MFHAS1: variants seen among roughly 807,000 people sequenced by gnomAD.
The protein encoded by MFHAS1 is multifunctional ROCO family signaling regulator 1.
MFHAS1 carries 50 observed loss-of-function variants against 70.4 expected under a neutral mutation model. The ratio of observed to expected loss-of-function variants is 0.71; its 90% CI spans 0.57 to 0.90. MFHAS1 has a LOEUF of 0.90. Ranked by LOEUF, MFHAS1 falls within the 40% of genes least tolerant of loss-of-function variation. The pLI is 0.00. For synonymous variants in MFHAS1, 952 were observed against 620.0 expected (o/e 1.54, Z -7.96); for missense variants, 1,795 against 1,347.6 (o/e 1.33, Z -5.20).
chr8:8,833,437 T>C (rs1807483228), intron 1 of MFHAS1, among the ~76,000 whole-genome samples: 1 of 152,076 alleles, frequency 6.6e-6, no homozygotes, highest in Admixed American at 6.5e-5. Flanking sequence ...AAGACCAGCC[T>C]GGGCAACACA....
intron 1 of MFHAS1, among the ~76,000 whole-genome samples, chr8:8,886,211 G>T (rs1329509671): frequency 6.6e-6 from 1 of 151,498 alleles, no homozygotes; most frequent in Non-Finnish European, 1.5e-5. Flanking sequence ...AAGAGACAGG[G>T]TCAGAGTGCA....
chr8:8,815,423 G>A (rs1806705701), intron 1 of MFHAS1, among the ~76,000 whole-genome samples: 1 of 152,076 alleles, frequency 6.6e-6, no homozygotes, highest in Non-Finnish European at 1.5e-5. Context: ...CTGGTTCTAG[G>A]TCTTTGAGGA....
chr8:8,819,100 C>T (rs1366845006), intron 1 of MFHAS1, among the ~76,000 whole-genome samples: 3 of 136,638 alleles, frequency 2.2e-5, no homozygotes, highest in East Asian at 2.6e-4. Context: ...TGGAATATCA[C>T]GTGGCCAGTA....
intron 2 of MFHAS1, among the ~76,000 whole-genome samples, chr8:8,787,291 A>G (rs998525392): frequency 6.6e-5 from 10 of 152,152 alleles, no homozygotes; most frequent in Admixed American, 4.6e-4. Context: ...CATGTTAGCC[A>G]GGATGATCTT....
chr8:8,890,755 C>T lies in MFHAS1; in HGVS notation c.2304G>A (p.Pro768=), dbSNP rs745735831. 3.1e-6 allele frequency: 5 copies of T among 1,613,706 alleles called. No individual in the cohort carries two copies. The highest frequency in any genetic ancestry group is 2.2e-5 in the East Asian group (1 of 44,878). Residue 768 remains proline (P), a synonymous_variant, in exon 1 of 3, where the codon CCG becomes CCA. Transcript: ENST00000276282. ...GGCTGGGGGTGGACCGCGCCATGGG[C>T]GGGGAGCTTTCCCCCTCCGCCTTGC... ...GEGKAEGESS[P]PMARSTPSQE...
At chr8:8,844,620 C>T (rs1563200732) in intron 1 of MFHAS1, among the ~76,000 whole-genome samples, 1 of 152,228 alleles carries the variant, frequency 6.6e-6, no homozygotes, top group Non-Finnish European at 1.5e-5. Flanking sequence ...GCAAGGTCAG[C>T]TCTCTGCTTC....
chr8:8,821,847 A>C (rs3827808), intron 1 of MFHAS1: 41 of 152,258 alleles, frequency 2.7e-4, no homozygotes, highest in African/African-American at 7.7e-4. Context: ...ATCTGAGGAA[A>C]TCACTGATTA....
chr8:8,827,444 C>G (rs1231174190), intron 1 of MFHAS1, among the ~76,000 whole-genome samples: 3 of 152,224 alleles, frequency 2.0e-5, no homozygotes, highest in African/African-American at 7.2e-5. Flanking sequence ...TCAGACTTAG[C>G]CACATCCAAT....
chr8:8,871,037 A>T (rs1337453643), intron 1 of MFHAS1, among the ~76,000 whole-genome samples: 31 of 152,020 alleles, frequency 2.0e-4, no homozygotes, highest in African/African-American at 7.5e-4. Flanking sequence ...TTTTCATTCA[A>T]ATAACTACCC....
intron 1 of MFHAS1, among the ~76,000 whole-genome samples, chr8:8,854,342 A>ACGGCT (rs1178704229): frequency 1.3e-5 from 2 of 152,180 alleles, no homozygotes; most frequent in Non-Finnish European, 2.9e-5. Context: ...TAACACAGTG[A>ACGGCT]AACCCCGTCT....
intron 1 of MFHAS1, among the ~76,000 whole-genome samples, chr8:8,878,883 T>C (rs574706195): frequency 3.3e-5 from 5 of 152,304 alleles, no homozygotes; most frequent in Admixed American, 1.3e-4. Flanking sequence ...CAAAAGTACT[T>C]CAAAGCATCT....
intron 1 of MFHAS1, among the ~76,000 whole-genome samples, chr8:8,821,567 T>G (rs1806957966): frequency 6.6e-6 from 1 of 152,162 alleles, no homozygotes; most frequent in Non-Finnish European, 1.5e-5. Flanking sequence ...ACTTCACATT[T>G]TCTTAAAAGG....
chr8:8,841,929 C>T (rs73190068), intron 1 of MFHAS1, among the ~76,000 whole-genome samples: 3 of 152,196 alleles, frequency 2.0e-5, no homozygotes, highest in Non-Finnish European at 4.4e-5. Context: ...GATGTGTGTT[C>T]TGCATTAGCT....
intron 1 of MFHAS1, among the ~76,000 whole-genome samples, chr8:8,861,738 T>A (rs998368574): frequency 4.6e-5 from 7 of 152,150 alleles, no homozygotes; most frequent in African/African-American, 1.7e-4. Context: ...GTAAATCCCT[T>A]CCCCATACCA....
Position 8,893,427 on chromosome 8 carries a change from T to C in MFHAS1, c.-369A>G, listed in dbSNP as rs1272575593. 2.1e-5 allele frequency: 3 copies of C among 143,788 alleles called. No individual in the cohort carries two copies. Among genetic ancestry groups the C allele is most frequent in the Non-Finnish European group, 4.6e-5 (3 of 64,972 alleles). The allele number at this position is 143,788 out of a possible 1,614,324, so 8.9% of individuals were successfully genotyped here. On this transcript the variant is annotated 5_prime_UTR_variant, in exon 1 of 3. Coordinates refer to ENST00000276282, the MANE Select transcript of MFHAS1 (RefSeq NM_004225.3). ...GGCCCCGCTACCCTCGCAGCCGCGG[T>C]CCCGCGGCCGGCAGCGGCGTCGCCT...
intron 1 of MFHAS1, among the ~76,000 whole-genome samples, chr8:8,823,537 C>T (rs570417405): frequency 1.4e-4 from 21 of 152,134 alleles, no homozygotes; most frequent in Non-Finnish European, 2.8e-4. Flanking sequence ...TAGTCTGTTC[C>T]AGCTTAAAAT....
rs781232620 is a variant in MFHAS1, at chr8:8,891,793, C to T, written c.1266G>A (p.Lys422=). 6 of 1,613,386 alleles carry T rather than the reference C, an allele frequency of 3.7e-6. No homozygotes were observed. In the South Asian group the frequency reaches 6.6e-5, roughly 18 times the overall value. Reference sequence around the variant, plus strand: ...CGGTGAGGCAGTGGCGCAGCAAAGTCTTTCCTGCAGCCTTATGCCCCATCA... The same window carrying T: ...CGGTGAGGCAGTGGCGCAGCAAAGTTTTTCCTGCAGCCTTATGCCCCATCA... ...LLLMGHKAAG[K]TLLRHCLTEE... Residue 422 remains lysine, a synonymous_variant, in exon 1 of 3, where the codon AAG becomes AAA. Transcript: ENST00000276282. This position sits in a 1 kb window ranked among gnomAD's most constrained non-coding sequence, Gnocchi z 5.4.
chr8:8,869,497 CAAATTT>C (rs778394374), intron 1 of MFHAS1, among the ~76,000 whole-genome samples: 21 of 152,060 alleles, frequency 1.4e-4, no homozygotes, highest in Admixed American at 3.3e-4. Flanking sequence ...GAGACCCTTC[CAAATTT>C]AAGAAATAAA....
chr8:8,792,064 C>G (rs912233843), intron 2 of MFHAS1, among the ~76,000 whole-genome samples: 2 of 151,430 alleles, frequency 1.3e-5, no homozygotes, highest in Non-Finnish European at 2.9e-5. Context: ...ACAGTGAAAC[C>G]CTATCTCTAC....
Sources: allele counts gnomAD v4.1 joint callset (sites outside exome capture counted in the v4.1 genomes callset), GRCh38; gene constraint gnomAD v4.1.1; non-coding constraint Gnocchi (gnomAD v3.1); transcripts MANE v1.5; gene names NCBI Gene and HGNC (gene_info 2026-07-23, HGNC 2026-07-21).